Variants in CPSF6 observed in about 807,000 individuals in gnomAD.
CPSF6 encodes cleavage and polyadenylation specificity factor subunit 6.
A neutral mutation model predicts 56.7 loss-of-function variants in CPSF6; 10 were observed. The observed-to-expected ratio is 0.18, with a 90% CI of 0.11 to 0.30. The LOEUF (loss-of-function observed/expected upper bound fraction) is 0.30. CPSF6 is among the 10% of genes least tolerant of loss of function. CPSF6 has a pLI of 1.00. For missense variants in CPSF6, 419 were observed against 722.9 expected, an observed-to-expected ratio of 0.58 and a Z score of 4.82; for synonymous variants, 248 against 244.8, an observed-to-expected ratio of 1.01 and a Z score of -0.12.
intron 9 of CPSF6, among the ~76,000 whole-genome samples, chr12:69,268,214 G>A (rs567076405): frequency 8.3e-4 from 126 of 151,710 alleles, no homozygotes; most frequent in African/African-American, 2.9e-3. Context: ...CCATTAAATA[G>A]TTTCACTAAA....
rs1466266984 is a variant in CPSF6 at position 69,239,591 on chromosome 12, C to G, written c.-56C>G. 1 of 1,515,100 alleles carries G rather than the reference C, an allele frequency of 6.6e-7. No homozygotes were observed. The highest frequency in any genetic ancestry group is 8.8e-7 in the Non-Finnish European group (1 of 1,132,748). 93.9% of individuals were successfully genotyped at this position (1,515,100 alleles called of 1,614,324 possible). A position where few individuals can be genotyped will look rare whatever the true frequency, so the allele number is the denominator to read the frequency against. ...GCCGCTAGATCCGCTGCTGCTGCCG[C>G]GGCGGGCAGACCTGCAGGAGGCGGC... On this transcript the variant is annotated 5_prime_UTR_variant, in exon 1 of 10. Coordinates refer to ENST00000435070, the MANE Select transcript of CPSF6 (RefSeq NM_007007.3).
At chr12:69,255,058 C>T (rs1004655300) in intron 3 of CPSF6, 3 of 152,238 alleles carry the variant, frequency 2.0e-5, no homozygotes. Context: ...ACTCCCATTT[C>T]CTCTCTTCCT....
chr12:69,260,752 G>T (rs751030379), intron 8 of CPSF6, among the ~76,000 whole-genome samples: 4 of 152,146 alleles, frequency 2.6e-5, no homozygotes, highest in Non-Finnish European at 5.9e-5. Context: ...GTTGAATGAT[G>T]GCAGGGGATT....
rs532591966 is a variant in CPSF6, at chr12:69,246,779, T to C, written c.61-4350T>C. Among the ~76,000 whole-genome samples the C allele has an allele frequency of 5.9e-5, 9 of 152,308 alleles. No homozygotes were observed. The East Asian group carries it at 1.3e-3, about 23-fold the overall frequency. Reference sequence around the variant, plus strand: ...AAATAGGCTTTGAAACAAGTGGCCTTTGCTGTGCATTTACTGATAGTATCA... The same window carrying C: ...AAATAGGCTTTGAAACAAGTGGCCTCTGCTGTGCATTTACTGATAGTATCA... On this transcript the variant is annotated intron_variant, in intron 1 of 9. Coordinates refer to ENST00000435070, the MANE Select transcript of CPSF6 (RefSeq NM_007007.3).
intron 9 of CPSF6, among the ~76,000 whole-genome samples, chr12:69,267,373 C>T (rs567293279): frequency 6.6e-6 from 1 of 152,046 alleles, no homozygotes; most frequent in African/African-American, 2.4e-5. Flanking sequence ...CTTTAGTTTA[C>T]AGACTTTATT....
chr12:69,257,867 G>A lies in CPSF6; in HGVS notation c.656G>A (p.Gly219Glu). The A allele has an allele frequency of 6.2e-7, 1 of 1,605,616 alleles. No individual in the cohort carries two copies. Among genetic ancestry groups the A allele is most frequent in the Non-Finnish European group, 8.5e-7 (1 of 1,177,292 alleles). The change falls in exon 5 of 10, where the codon GGG (glycine) becomes GAG (glutamate). Residue 219 changes from glycine (G) to glutamate (E), a missense_variant. Physicochemically the swap from Gly to Glu is moderately conservative, Grantham distance 98. This residue lies in a region of CPSF6 where 211 missense variants were observed against 296.0 expected (regional missense o/e 0.71). Transcript: ENST00000435070. ...GTTCCTGGTGGGGACAGATTTCCTGGGCCAGCAGGACCAGGAGGGCCACCC... is the reference window on the plus strand; with the variant it reads ...GTTCCTGGTGGGGACAGATTTCCTGAGCCAGCAGGACCAGGAGGGCCACCC... ...GAVPGGDRFP[G>E]PAGPGGPPPP... is the part of the protein sequence containing the mutation.
Position 69,258,623 on chromosome 12 carries a change from C to T in CPSF6, c.728C>T (p.Pro243Leu). The T allele has an allele frequency of 6.8e-6, 11 of 1,613,714 alleles. No individual in the cohort carries two copies. Among genetic ancestry groups the T allele is most frequent in the Non-Finnish European group, 9.3e-6 (11 of 1,179,816 alleles). Residue 243 changes from proline to leucine, a missense_variant, in exon 6 of 10, where the codon CCT becomes CTT. Around this residue, in one of 4 missense-constraint regions of CPSF6, gnomAD observed 211 missense variants for 296.0 expected, o/e 0.71. Transcript: ENST00000435070. This position sits in a 1 kb window ranked among gnomAD's most constrained non-coding sequence, Gnocchi z 4.2. ...GQTPPRPPLG[P>L]PGPPGPPGPP... Reference sequence around the variant, plus strand: ...ACTCCACCACGTCCACCCTTAGGTCCTCCAGGCCCACCTGGTCCACCAGGT... The same window carrying T: ...ACTCCACCACGTCCACCCTTAGGTCTTCCAGGCCCACCTGGTCCACCAGGT...
intron 1 of CPSF6, among the ~76,000 whole-genome samples, chr12:69,240,022 C>T (rs958696081): frequency 6.6e-6 from 1 of 151,518 alleles, no homozygotes; most frequent in Admixed American, 6.6e-5. Flanking sequence ...GCGCTTCCCG[C>T]CGCGCTAGGC....
chr12:69,243,472 C>T (rs930240215), intron 1 of CPSF6, among the ~76,000 whole-genome samples: 1 of 152,174 alleles, frequency 6.6e-6, no homozygotes, highest in African/African-American at 2.4e-5. Flanking sequence ...GAAGGTACAG[C>T]CTACTACACA....
chr12:69,263,165 A>G (rs1182723606), intron 9 of CPSF6, among the ~76,000 whole-genome samples: 1 of 151,990 alleles, frequency 6.6e-6, no homozygotes, highest in Non-Finnish European at 1.5e-5. Flanking sequence ...GTATCCTTTA[A>G]TTTGCAAAGA....
chr12:69,255,904 G>C (rs1406617329), intron 3 of CPSF6, among the ~76,000 whole-genome samples: 3 of 152,028 alleles, frequency 2.0e-5, no homozygotes, highest in Non-Finnish European at 4.4e-5. Flanking sequence ...GGTATCTTGT[G>C]GTTTTGATTT....
Position 69,258,897 on chromosome 12 carries a change from C to T in CPSF6, c.1002C>T (p.Pro334=). 2.5e-6 allele frequency: 4 copies of T among 1,614,104 alleles called. No homozygotes were observed. Among genetic ancestry groups the T allele is most frequent in the East Asian group, 2.2e-5 (1 of 44,878 alleles). ...GTCCACCCGGTCCACTTGGGCCACC[C>T]CTTACACTAGCTCCTCCTCCGCATC... The part of the protein sequence containing the change: ...PPRPPGPLGP[P]LTLAPPPHLP... The change falls in exon 6 of 10, where the codon CCC becomes CCT. Residue 334 remains proline (P), a synonymous_variant. Coordinates refer to ENST00000435070, the MANE Select transcript of CPSF6 (RefSeq NM_007007.3). This position sits in a 1 kb window ranked among gnomAD's most constrained non-coding sequence, Gnocchi z 4.2.
Position 69,273,232 on chromosome 12 carries a change from G to A in CPSF6, c.*3724G>A, listed in dbSNP as rs1297782549. The stretch of plus-strand genomic sequence containing the variant: ...TTTTGTGAATATTCTAAATATTCAG[G>A]CAACACTGTTCAGATTGATTTAGGT... On this transcript the variant is annotated 3_prime_UTR_variant, in exon 10 of 10. Transcript: ENST00000435070. 1 of 500,362 alleles carries A rather than the reference G, an allele frequency of 2.0e-6. No individual in the cohort carries two copies. The highest frequency in any genetic ancestry group is 4.0e-6 in the Non-Finnish European group (1 of 247,864). 31.0% of individuals were successfully genotyped at this position (500,362 alleles called of 1,614,324 possible). A position where few individuals can be genotyped will look rare whatever the true frequency, so the allele number is the denominator to read the frequency against.
At chr12:69,240,683 C>A (rs1043537908) in intron 1 of CPSF6, among the ~76,000 whole-genome samples, 5 of 141,446 alleles carry the variant, frequency 3.5e-5, no homozygotes, top group East Asian at 2.4e-4. Flanking sequence ...AGTGTTAAAT[C>A]CCCCCACCCC....
chr12:69,270,972 A>G lies in CPSF6; in HGVS notation c.*1464A>G, dbSNP rs1414506933. Reference sequence around the variant, plus strand: ...TAAAGAGTACCCAAATTCTAGGACAATGCTTAAAGTGTTAAAATACCCTAG... The same window carrying G: ...TAAAGAGTACCCAAATTCTAGGACAGTGCTTAAAGTGTTAAAATACCCTAG... On this transcript the variant is annotated 3_prime_UTR_variant, in exon 10 of 10. Coordinates refer to ENST00000435070, the MANE Select transcript of CPSF6 (RefSeq NM_007007.3). 2.0e-5 allele frequency: 3 copies of G among 151,840 alleles called. No homozygotes were observed. Among genetic ancestry groups the G allele is most frequent in the East Asian group, 3.9e-4 (2 of 5,188 alleles). 9.4% of individuals were successfully genotyped at this position (151,840 alleles called of 1,614,324 possible).
chr12:69,239,727 C>T, intron 1 of CPSF6, 21 bp downstream of exon 1: 1 of 1,566,282 alleles, frequency 6.4e-7, no homozygotes, highest in Non-Finnish European at 8.6e-7. Flanking sequence ...GCCCAGGTCC[C>T]CGCCGCCGAC....
rs2231697 is a variant in CPSF6 at position 69,258,015 on chromosome 12, A to G, written c.694+110A>G. On this transcript the variant is annotated intron_variant, in intron 5 of 9. Coordinates refer to ENST00000435070, the MANE Select transcript of CPSF6 (RefSeq NM_007007.3). The surrounding 1 kb of genome is among the most constrained non-coding windows in gnomAD (Gnocchi z 4.2). Reference sequence around the variant, plus strand: ...ATTAATGTGACTTACTCTCCTTGTTATGCTATTTTTGGAATCCAGGAAATT... The same window carrying G: ...ATTAATGTGACTTACTCTCCTTGTTGTGCTATTTTTGGAATCCAGGAAATT... 17 of 1,537,154 alleles carry G rather than the reference A, an allele frequency of 1.1e-5. No homozygotes were observed. The East Asian group carries it at 2.7e-4, about 24-fold the overall frequency.
chr12:69,244,638 C>G (rs184377338), intron 1 of CPSF6, among the ~76,000 whole-genome samples: 10 of 152,074 alleles, frequency 6.6e-5, no homozygotes, highest in Non-Finnish European at 1.5e-5. Context: ...ATGTGATCCT[C>G]TTGCCTCAGC....
rs1195394257 is a variant in CPSF6 at position 69,270,814 on chromosome 12, G to T, written c.*1306G>T. 6.6e-6 allele frequency: 1 copy of T among 151,664 alleles called. No homozygotes were observed. The highest frequency in any genetic ancestry group is 1.9e-4 in the East Asian group (1 of 5,196). 9.4% of individuals were successfully genotyped at this position (151,664 alleles called of 1,614,324 possible). ...ATTGGCAGAGGCAGGGTGTCAACTT[G>T]ATTAGGTGTTTTTATGGGAATGTAA... is the stretch of plus-strand genomic sequence containing the variant. On this transcript the variant is annotated 3_prime_UTR_variant, in exon 10 of 10. Transcript: ENST00000435070.
Sources: allele counts gnomAD v4.1 joint callset (sites outside exome capture counted in the v4.1 genomes callset), GRCh38; gene constraint gnomAD v4.1.1; regional missense constraint gnomAD v4.1.1; non-coding constraint Gnocchi (gnomAD v3.1); transcripts MANE v1.5; gene names NCBI Gene and HGNC (gene_info 2026-07-23, HGNC 2026-07-21).